RORA: variants seen among roughly 807,000 people sequenced by gnomAD.
RORA encodes the protein nuclear receptor ROR-alpha.
Under a neutral mutation model 69.5 loss-of-function variants are expected in RORA, and 7 were observed. The observed-to-expected ratio is 0.10, with a 90% CI of 0.06 to 0.19. The LOEUF (loss-of-function observed/expected upper bound fraction) is 0.19, where lower values mean the gene tolerates loss of function less well. Ranked by LOEUF, RORA falls within the 10% of genes least tolerant of loss-of-function variation. The probability of loss-of-function intolerance (pLI) is 1.00; values close to 1 mark genes in which losing one functional copy is unlikely to be tolerated. For synonymous variants in RORA, 261 were observed against 240.8 expected, an observed-to-expected ratio of 1.08 and a Z score of -0.78; for missense variants, 457 against 663.0, an observed-to-expected ratio of 0.69 and a Z score of 3.41.
intron 1 of RORA, among the ~76,000 whole-genome samples, chr15:60,880,873 C>CT (rs1217545870): frequency 6.6e-6 from 1 of 152,170 alleles, no homozygotes; most frequent in African/African-American, 2.4e-5. Context: ...ATGCATTTAA[C>CT]TTTTTTTCTT....
intron 1 of RORA, among the ~76,000 whole-genome samples, chr15:60,824,964 G>A (rs1474901748): frequency 6.6e-6 from 1 of 152,214 alleles, no homozygotes; most frequent in African/African-American, 2.4e-5. Context: ...CATAAAGACA[G>A]TCCAAATGGG....
At chr15:60,809,852 C>G (rs1458162046) in intron 1 of RORA, among the ~76,000 whole-genome samples, 1 of 150,364 alleles carries the variant, frequency 6.7e-6, no homozygotes, top group African/African-American at 2.5e-5. Context: ...CTACTTATTT[C>G]TTATTCAACT....
chr15:60,689,039 G>A (rs763367548), intron 1 of RORA, among the ~76,000 whole-genome samples: 1 of 152,170 alleles, frequency 6.6e-6, no homozygotes, highest in Non-Finnish European at 1.5e-5. Context: ...AATACAAAGA[G>A]GATGACCTCT....
intron 1 of RORA, among the ~76,000 whole-genome samples, chr15:60,901,565 A>G (rs1472362638): frequency 1.3e-5 from 2 of 152,252 alleles, no homozygotes; most frequent in Non-Finnish European, 2.9e-5. Flanking sequence ...AATTACACCC[A>G]AATAACTTAA....
intron 1 of RORA, among the ~76,000 whole-genome samples, chr15:61,080,285 C>T (rs1362203129): frequency 6.6e-6 from 1 of 152,112 alleles, no homozygotes; most frequent in African/African-American, 2.4e-5. Flanking sequence ...CTGAAATTCC[C>T]ACCTGATCAC....
At position 61,050,702 on chromosome 15, in the gene RORA, C is replaced by T. The variant is rs192963481; in HGVS notation, c.166+178351G>A. The stretch of plus-strand genomic sequence containing the variant: ...TCAGGGGTTGGTCTTGGCTGTGATA[C>T]CTTCTCCTGCGATAAGAGTAAGACC... On this transcript the variant is annotated intron_variant, in intron 1 of 10. Coordinates refer to ENST00000335670, the MANE Select transcript of RORA (RefSeq NM_134261.3). Among the ~76,000 whole-genome samples, 6 of 152,314 alleles carry T rather than the reference C, an allele frequency of 3.9e-5. No homozygotes were observed. In the East Asian group the frequency reaches 9.6e-4, roughly 24 times the overall value.
In RORA at chr15:60,899,457, T is replaced by C. The variant is rs572393431; in HGVS notation, c.167-220771A>G. Reference sequence around the variant, plus strand: ...GAGAGGAAAAAGGGGAAATCCAGTATAGTGACTGAGTGAAAAGTTAGTAAT... The same window carrying C: ...GAGAGGAAAAAGGGGAAATCCAGTACAGTGACTGAGTGAAAAGTTAGTAAT... On this transcript the variant is annotated intron_variant, in intron 1 of 10. Transcript: ENST00000335670. Among the ~76,000 whole-genome samples the C allele has an allele frequency of 1.4e-3, 217 of 152,322 alleles. 1 individual carries two copies. Among genetic ancestry groups the C allele is most frequent in the African/African-American group, 4.9e-3 (205 of 41,572 alleles).
chr15:60,556,497 T>C (rs913820036), intron 2 of RORA, among the ~76,000 whole-genome samples: 4 of 152,184 alleles, frequency 2.6e-5, no homozygotes, highest in African/African-American at 9.6e-5. Context: ...TAAATAAATT[T>C]TGTATTACCT....
chr15:60,994,251 G>A lies in RORA; in HGVS notation c.166+234802C>T, dbSNP rs144822960. 2.8e-3 allele frequency among the ~76,000 whole-genome samples: 429 copies of A among 152,268 alleles called. 7 individuals are homozygous for A. The highest frequency in any genetic ancestry group is 9.8e-3 in the African/African-American group (408 of 41,548). On this transcript the variant is annotated intron_variant, in intron 1 of 10. Coordinates refer to ENST00000335670, the MANE Select transcript of RORA (RefSeq NM_134261.3). ...AGAAGTGAATGGCACTAATCCTGAT[G>A]GGAAAAGCCCTCATAATTTCTTCTT... is the stretch of plus-strand genomic sequence containing the variant.
intron 1 of RORA, among the ~76,000 whole-genome samples, chr15:61,093,088 T>C (rs1436668780): frequency 6.6e-6 from 1 of 152,244 alleles, no homozygotes; most frequent in Non-Finnish European, 1.5e-5. Context: ...ACTTCTGAAG[T>C]GTTTCCTTAG....
chr15:61,122,766 C>T (rs1332409483), intron 1 of RORA, among the ~76,000 whole-genome samples: 3 of 152,138 alleles, frequency 2.0e-5, no homozygotes, highest in African/African-American at 4.8e-5. Context: ...AGCATGCTAA[C>T]GTCCACATCT....
intron 1 of RORA, among the ~76,000 whole-genome samples, chr15:61,006,319 GAC>G: frequency 6.6e-6 from 1 of 152,022 alleles, no homozygotes; most frequent in South Asian, 2.1e-4. Flanking sequence ...TTTCTACAGT[GAC>G]CATGTATTTC....
At chr15:60,805,281 A>G (rs1160085030) in intron 1 of RORA, among the ~76,000 whole-genome samples, 1 of 152,244 alleles carries the variant, frequency 6.6e-6, no homozygotes, top group Non-Finnish European at 1.5e-5. Flanking sequence ...CATGTCAGTC[A>G]TTTGAACCAG....
In RORA at chr15:60,503,019, A is replaced by G. The variant is rs2065379727; in HGVS notation, c.1076-152T>C. ...GGGTTCTCAGTCACATCAGCTGTCT[A>G]TCCAAAAGGGCAGAGTTTTCTATGT... On this transcript the variant is annotated intron_variant, in intron 7 of 10. Transcript: ENST00000335670. 25 of 712,606 alleles carry G rather than the reference A, an allele frequency of 3.5e-5. No homozygotes were observed. The East Asian group carries it at 6.1e-4, about 17-fold the overall frequency. 44.1% of individuals were successfully genotyped at this position (712,606 alleles called of 1,614,324 possible).
chr15:61,024,270 CTTTTTTTTTTT>C (rs34008494), intron 1 of RORA, among the ~76,000 whole-genome samples: 2 of 79,396 alleles, frequency 2.5e-5, no homozygotes, highest in Non-Finnish European at 4.5e-5. Flanking sequence ...TCTTGGATCT[CTTTTTTTTTTT>C]TTTTTTTTTT....
chr15:60,945,762 G>A (rs1386426019), intron 1 of RORA, among the ~76,000 whole-genome samples: 2 of 152,230 alleles, frequency 1.3e-5, no homozygotes, highest in Non-Finnish European at 2.9e-5. Context: ...CTATCCCAGT[G>A]CACATGATGA....
intron 1 of RORA, among the ~76,000 whole-genome samples, chr15:60,755,666 T>C (rs1488948527): frequency 6.6e-6 from 1 of 152,204 alleles, no homozygotes; most frequent in Non-Finnish European, 1.5e-5. Flanking sequence ...TTTTCATCTC[T>C]GAATCCCATA....
chr15:61,229,086 C>G lies in RORA; in HGVS notation c.133G>C (p.Val45Leu). The change falls in exon 1 of 11, where the codon GTG (valine) becomes CTG (leucine). Residue 45 changes from valine to leucine, a missense_variant. Transcript: ENST00000335670. Reference protein sequence around the residue: ...SARKSEPPAPVRRQSYSSTSR... With the variant: ...SARKSEPPAPLRRQSYSSTSR... ...GTGCTGGAATAGCTCTGTCTGCGCA[C>G]CGGGGCAGGCGGCTCGCTCTTGCGG... The G allele has an allele frequency of 6.5e-7, 1 of 1,538,130 alleles. No individual in the cohort carries two copies. The highest frequency in any genetic ancestry group is 8.8e-7 in the Non-Finnish European group (1 of 1,142,602).
intron 1 of RORA, among the ~76,000 whole-genome samples, chr15:61,173,423 A>T (rs1432497244): frequency 6.6e-6 from 1 of 152,252 alleles, no homozygotes; most frequent in Non-Finnish European, 1.5e-5. Context: ...ATAAATGCAT[A>T]ACTTGTGTTG....
Sources: gnomAD v4.1 joint callset for allele counts (sites outside exome capture counted in the v4.1 genomes callset) on GRCh38, gnomAD v4.1.1 for gene constraint, MANE v1.5 for transcripts, NCBI Gene and HGNC (gene_info 2026-07-23, HGNC 2026-07-21) for gene names.